The following KIAA0408 variants were observed in gnomAD, a reference collection of about 807,000 sequenced individuals.
KIAA0408 encodes the protein KIAA0408.
KIAA0408 carries 51 observed loss-of-function variants against 60.9 expected under a neutral mutation model. That is an observed-to-expected ratio of 0.84 (90% CI 0.67 to 1.06). The LOEUF is 1.06. KIAA0408 is among the 50% of genes least tolerant of loss of function. KIAA0408 has a pLI of 0.00. For synonymous variants in KIAA0408, 304 were observed against 282.4 expected (o/e 1.08, Z -0.77); for missense variants, 787 against 833.9 (o/e 0.94, Z 0.69).
chr6:127,456,058 A>T (rs1773387095), intron 1 of KIAA0408, among the ~76,000 whole-genome samples: 1 of 152,188 alleles, frequency 6.6e-6, no homozygotes, highest in African/African-American at 2.4e-5. Context: ...ACTGCTTTAA[A>T]ACTATACGTA....
At chr6:127,451,876 T>C (rs1020553191) in intron 2 of KIAA0408, among the ~76,000 whole-genome samples, 1 of 152,156 alleles carries the variant, frequency 6.6e-6, no homozygotes, top group African/African-American at 2.4e-5. Context: ...AAAGGTACTA[T>C]GTTACTTGGT....
chr6:127,452,697 G>A (rs1583070758), intron 2 of KIAA0408, among the ~76,000 whole-genome samples: 1 of 152,234 alleles, frequency 6.6e-6, no homozygotes, highest in South Asian at 2.1e-4. Context: ...ACATTTGGAA[G>A]GCAATGACCT....
intron 2 of KIAA0408, 98 bp from the exon 3 acceptor site, chr6:127,450,450 A>G: frequency 7.0e-7 from 1 of 1,435,868 alleles, no homozygotes; most frequent in Admixed American, 2.8e-5. Flanking sequence ...TCTCTTTGCC[A>G]TATTAAAATA....
At chr6:127,450,556 T>C in intron 2 of KIAA0408, 1 of 672,858 alleles carries the variant, frequency 1.5e-6, no homozygotes, top group Non-Finnish European at 2.2e-6. Context: ...CTACTTTTAG[T>C]AGGGCAACAC....
chr6:127,451,782 T>C (rs1292605532), intron 2 of KIAA0408, among the ~76,000 whole-genome samples: 1 of 152,144 alleles, frequency 6.6e-6, no homozygotes, highest in African/African-American at 2.4e-5. Flanking sequence ...TCATACCTAA[T>C]TTTATGCCAT....
chr6:127,452,870 T>A (rs537496324), intron 2 of KIAA0408, among the ~76,000 whole-genome samples: 1 of 152,184 alleles, frequency 6.6e-6, no homozygotes, highest in South Asian at 2.1e-4. Flanking sequence ...TCTCCTTTAA[T>A]CCCTAATCAT....
Position 127,444,066 on chromosome 6 carries a change from G to T in KIAA0408, c.*43C>A. 1 of 1,588,020 alleles carries T rather than the reference G, an allele frequency of 6.3e-7. No individual in the cohort carries two copies. Among genetic ancestry groups the T allele is most frequent in the Non-Finnish European group, 8.6e-7 (1 of 1,158,268 alleles). On this transcript the variant is annotated 3_prime_UTR_variant, in exon 6 of 6. Transcript: ENST00000483725. ...ACACTCAGAATGCTCTGTTTGACAA[G>T]TGGGACTAGAACTTCTGTAATATAG...
chr6:127,447,212 T>C lies in KIAA0408; in HGVS notation c.1107A>G (p.Ala369=), dbSNP rs765227099. The part of the protein sequence containing the change: ...SMWSCDIGIG[A]KRSPSTSWFQ... ...ACCACGAAGTAGAGGGGCTCCTTTTTGCACCTATCCCAATGTCACATGACC... is the reference window on the plus strand; with the variant it reads ...ACCACGAAGTAGAGGGGCTCCTTTTCGCACCTATCCCAATGTCACATGACC... Residue 369 remains alanine, a synonymous_variant, in exon 5 of 6, where the codon GCA becomes GCG. Coordinates refer to ENST00000483725, the MANE Select transcript of KIAA0408 (RefSeq NM_014702.5). 1 of 1,612,416 alleles carries C rather than the reference T, an allele frequency of 6.2e-7. No homozygotes were observed. Among genetic ancestry groups the C allele is most frequent in the Non-Finnish European group, 8.5e-7 (1 of 1,179,372 alleles).
At chr6:127,450,652 C>A (rs1773287088) in intron 2 of KIAA0408, 2 of 229,456 alleles carry the variant, frequency 8.7e-6, no homozygotes, top group South Asian at 1.9e-4. Context: ...AACACTGTCA[C>A]AAAATTAGAA....
intron 5 of KIAA0408, among the ~76,000 whole-genome samples, chr6:127,444,637 AGT>A (rs1048296277): frequency 1.3e-5 from 2 of 152,168 alleles, no homozygotes; most frequent in Non-Finnish European, 2.9e-5. Context: ...AGTATGTTAC[AGT>A]GTTATTTAAA....
At chr6:127,448,187 C>T (rs758781012) in intron 4 of KIAA0408, among the ~76,000 whole-genome samples, 2 of 151,876 alleles carry the variant, frequency 1.3e-5, no homozygotes, top group African/African-American at 4.8e-5. Context: ...TTTAAGTAGT[C>T]AGATACAAAT....
Position 127,442,108 on chromosome 6 carries a change from G to GTTTT in KIAA0408, c.*1997_*2000dup, listed in dbSNP as rs1251311095. 2 of 152,142 alleles carry GTTTT rather than the reference G, an allele frequency of 1.3e-5. No individual in the cohort carries two copies. Among genetic ancestry groups the GTTTT allele is most frequent in the Admixed American group, 1.3e-4 (2 of 15,270 alleles). The allele number at this position is 152,142 out of a possible 1,614,324, so 9.4% of individuals were successfully genotyped here. ...TCAATATTTTGCTTTGTTTTGTTTT[G>GTTTT]TTTTATTAATGGTTCTGGAGTCCCA... On this transcript the variant is annotated 3_prime_UTR_variant, in exon 6 of 6. Coordinates refer to ENST00000483725, the MANE Select transcript of KIAA0408 (RefSeq NM_014702.5).
rs756114209 is a variant in KIAA0408, at chr6:127,446,792, A to G, written c.1527T>C (p.Pro509=). Reference sequence around the variant, plus strand: ...TTGTGGATTTCTTGGTGGGATTATCAGGCACATTTTCCATGGGCACAGGCA... The same window carrying G: ...TTGTGGATTTCTTGGTGGGATTATCGGGCACATTTTCCATGGGCACAGGCA... The part of the protein sequence containing the change: ...AHMPVPMENV[P]DNPTKKSTTG... Residue 509 remains proline, a synonymous_variant, in exon 5 of 6, where the codon CCT becomes CCC. Coordinates refer to ENST00000483725, the MANE Select transcript of KIAA0408 (RefSeq NM_014702.5). 1 of 1,614,048 alleles carries G rather than the reference A, an allele frequency of 6.2e-7. No individual in the cohort carries two copies. Among genetic ancestry groups the G allele is most frequent in the South Asian group, 1.1e-5 (1 of 91,068 alleles).
At chr6:127,451,203 G>A (rs987675351) in intron 2 of KIAA0408, 34 of 424,484 alleles carry the variant, frequency 8.0e-5, no homozygotes, top group South Asian at 1.7e-5. Context: ...ATGACTCTAT[G>A]TTTAACAGCC....
In KIAA0408 at chr6:127,454,039, CTG is replaced by C; in HGVS notation, c.-60_-59del. 1 of 1,538,622 alleles carries C rather than the reference CTG, an allele frequency of 6.5e-7. No homozygotes were observed. The highest frequency in any genetic ancestry group is 1.3e-5 in the South Asian group (1 of 75,790). On this transcript the variant is annotated 5_prime_UTR_variant, in exon 2 of 6. Transcript: ENST00000483725. ...TCTGCTCTTCTCTGCCTCCTCTTAA[CTG>C]TTTCTTGGAAGCTTGAAGTTGTTTT...
Position 127,441,409 on chromosome 6 carries a change from A to AAC in KIAA0408, c.*2698_*2699dup, listed in dbSNP as rs139335520. 0.058 allele frequency: 8,653 copies of AAC among 148,300 alleles called. 238 individuals carry two copies. The highest frequency in any genetic ancestry group is 0.073 in the African/African-American group (2,954 of 40,522). 9.2% of individuals were successfully genotyped at this position (148,300 alleles called of 1,614,324 possible). A position where few individuals can be genotyped will look rare whatever the true frequency, so the allele number is the denominator to read the frequency against. ...GGAGAACTTATGTGACACTGACACA[A>AAC]ACACACACACACACACACACACACA... On this transcript the variant is annotated 3_prime_UTR_variant, in exon 6 of 6. Transcript: ENST00000483725.
rs569959104 is a variant in KIAA0408 at position 127,453,671 on chromosome 6, T to C, written c.135+176A>G. On this transcript the variant is annotated intron_variant, in intron 2 of 5. Coordinates refer to ENST00000483725, the MANE Select transcript of KIAA0408 (RefSeq NM_014702.5). ...ATTTTCATGCAATGATATAAAATAA[T>C]CCTTACAATACCATTGGATAAGATT... Among the ~76,000 whole-genome samples the C allele has an allele frequency of 2.0e-5, 3 of 152,190 alleles. No individual in the cohort carries two copies. The East Asian group carries it at 5.8e-4, about 29-fold the overall frequency.
At chr6:127,454,220 G>T in intron 1 of KIAA0408, 119 bp from the exon 2 acceptor site, 1 of 987,372 alleles carries the variant, frequency 1.0e-6, no homozygotes. Flanking sequence ...CAAAAGAAAA[G>T]AGATGACAAC....
Position 127,458,535 on chromosome 6 carries a change from T to G in KIAA0408, c.-121+640A>C, listed in dbSNP as rs1191252308. Among the ~76,000 whole-genome samples, 3 of 152,348 alleles carry G rather than the reference T, an allele frequency of 2.0e-5. No homozygotes were observed. In the East Asian group the frequency reaches 5.8e-4, roughly 29 times the overall value. On this transcript the variant is annotated intron_variant, in intron 1 of 5. Transcript: ENST00000483725. ...CAAGCTGTATGCACACTGATTTTAC[T>G]TATAAAATGCAAACTTTAAAAGCAA... is the stretch of plus-strand genomic sequence containing the variant.
Sources: gnomAD v4.1 joint callset for allele counts (sites outside exome capture counted in the v4.1 genomes callset) on GRCh38, gnomAD v4.1.1 for gene constraint, MANE v1.5 for transcripts, NCBI Gene and HGNC (gene_info 2026-07-23, HGNC 2026-07-21) for gene names.